The following EXOC6 variants were observed in gnomAD, a reference collection of about 807,000 sequenced individuals.
EXOC6 encodes exocyst complex component 6, also known as SEC15-like 1.
In EXOC6, 60 loss-of-function variants were observed where a neutral mutation model predicts 112.5. The ratio of observed to expected loss-of-function variants is 0.53; its 90% CI spans 0.43 to 0.66. EXOC6 has a LOEUF of 0.66. Ranked by LOEUF, EXOC6 falls within the 30% of genes least tolerant of loss-of-function variation. The probability of loss-of-function intolerance (pLI) is 0.00; values close to 1 mark genes in which losing one functional copy is unlikely to be tolerated. For synonymous variants in EXOC6, 295 were observed against 308.0 expected (o/e 0.96, Z 0.44); for missense variants, 855 against 957.1 (o/e 0.89, Z 1.41).
chr10:92,972,279 G>T (rs764871935), intron 17 of EXOC6, among the ~76,000 whole-genome samples: 4 of 152,180 alleles, frequency 2.6e-5, no homozygotes, highest in Non-Finnish European at 4.4e-5. Context: ...CCAGGCTCTT[G>T]ATACTGTCGT....
chr10:92,986,233 A>G (rs185557705), intron 18 of EXOC6, among the ~76,000 whole-genome samples: 11 of 152,302 alleles, frequency 7.2e-5, no homozygotes, highest in Admixed American at 7.2e-4. Context: ...TGTGGCCTTT[A>G]TATCTCCTAA....
intron 13 of EXOC6, among the ~76,000 whole-genome samples, chr10:92,943,179 C>T (rs371778628): frequency 2.0e-5 from 3 of 151,898 alleles, no homozygotes; most frequent in Non-Finnish European, 2.9e-5. Flanking sequence ...CCACCACGCC[C>T]GGCTAATTTT....
At chr10:92,936,668 C>T (rs770945760) in intron 12 of EXOC6, among the ~76,000 whole-genome samples, 6 of 152,092 alleles carry the variant, frequency 3.9e-5, no homozygotes, top group Non-Finnish European at 7.4e-5. Flanking sequence ...ATCCTCTCCC[C>T]TTCGGATATT....
chr10:93,026,392 T>C (rs1845025253), intron 20 of EXOC6, among the ~76,000 whole-genome samples: 4 of 152,232 alleles, frequency 2.6e-5, no homozygotes, highest in African/African-American at 9.6e-5. Context: ...TGTTATCACC[T>C]GGTATTGTCT....
At chr10:93,040,598 T>C (rs1265585365) in intron 20 of EXOC6, among the ~76,000 whole-genome samples, 1 of 152,220 alleles carries the variant, frequency 6.6e-6, no homozygotes, top group Non-Finnish European at 1.5e-5. Flanking sequence ...CCAATTTCTC[T>C]TCCCTCATTT....
intron 19 of EXOC6, among the ~76,000 whole-genome samples, chr10:93,011,319 C>T (rs553131926): frequency 1.3e-5 from 2 of 151,656 alleles, no homozygotes; most frequent in African/African-American, 2.4e-5. Context: ...TGCAGTGGTA[C>T]GATCATGGCT....
intron 18 of EXOC6, among the ~76,000 whole-genome samples, chr10:92,991,661 T>G (rs1052157717): frequency 2.0e-5 from 3 of 152,146 alleles, no homozygotes; most frequent in South Asian, 2.1e-4. Context: ...CCATGTATTA[T>G]GCAGTCCTGT....
chr10:92,896,037 A>G (rs200358751), intron 4 of EXOC6, among the ~76,000 whole-genome samples: 1 of 111,756 alleles, frequency 8.9e-6, no homozygotes, highest in Non-Finnish European at 1.8e-5. Flanking sequence ...ATATGTGTGT[A>G]TATATATGTG....
At chr10:92,950,272 T>C (rs1853324012) in intron 14 of EXOC6, among the ~76,000 whole-genome samples, 2 of 152,118 alleles carry the variant, frequency 1.3e-5, no homozygotes. Flanking sequence ...TATTAGAAAA[T>C]ATATAAAACT....
intron 20 of EXOC6, among the ~76,000 whole-genome samples, chr10:93,043,509 G>A (rs1313268833): frequency 6.6e-6 from 1 of 152,172 alleles, no homozygotes; most frequent in South Asian, 2.1e-4. Flanking sequence ...CACTGGGCCA[G>A]GCACTGTTTT....
intron 17 of EXOC6, among the ~76,000 whole-genome samples, chr10:92,960,274 A>G (rs1420280639): frequency 6.6e-6 from 1 of 152,216 alleles, no homozygotes; most frequent in African/African-American, 2.4e-5. Context: ...TACATATTGT[A>G]TGATTGCAAC....
chr10:92,975,757 C>G (rs1260826093), intron 18 of EXOC6, among the ~76,000 whole-genome samples: 2 of 133,074 alleles, frequency 1.5e-5, no homozygotes, highest in African/African-American at 2.8e-5. Context: ...GGCCAGCCCC[C>G]CGCCGGGCCA....
At chr10:93,009,916 C>G (rs1844163091) in intron 19 of EXOC6, among the ~76,000 whole-genome samples, 1 of 152,212 alleles carries the variant, frequency 6.6e-6, no homozygotes. Flanking sequence ...GCACAAGTCA[C>G]ATCTGTGTAA....
chr10:93,049,410 TG>T lies in EXOC6; in HGVS notation c.2170-7513del, dbSNP rs199792473. Among the ~76,000 whole-genome samples, 6 of 152,230 alleles carry T rather than the reference TG, an allele frequency of 3.9e-5. No homozygotes were observed. In the East Asian group the frequency reaches 9.7e-4, roughly 25 times the overall value. ...AAAAAGATAAATGTCCATCAACTGA[TG>T]ATTGGATAAACAAGGTGTAGTACAT... is the stretch of plus-strand genomic sequence containing the variant. On this transcript the variant is annotated intron_variant, in intron 20 of 21. Transcript: ENST00000260762.
At chr10:92,889,628 G>A (rs975990264) in intron 1 of EXOC6, among the ~76,000 whole-genome samples, 32 of 151,970 alleles carry the variant, frequency 2.1e-4, no homozygotes, top group African/African-American at 7.5e-4. Flanking sequence ...GTTTATTTCT[G>A]GTCTGTCTAT....
chr10:92,894,734 A>G (rs751426306), intron 2 of EXOC6, 60 bp from the exon 3 acceptor site: 2 of 1,285,880 alleles, frequency 1.6e-6, no homozygotes, highest in Non-Finnish European at 2.3e-6. Flanking sequence ...AAGGGTGAGC[A>G]GTTACATCAG....
At chr10:93,028,243 G>T (rs1845110496) in intron 20 of EXOC6, among the ~76,000 whole-genome samples, 2 of 152,090 alleles carry the variant, frequency 1.3e-5, no homozygotes, top group African/African-American at 4.8e-5. Context: ...ACTTCAGTGA[G>T]CCATGATCGT....
intron 19 of EXOC6, chr10:92,999,446 A>G (rs1843652307): frequency 3.3e-6 from 1 of 300,852 alleles, no homozygotes; most frequent in Non-Finnish European, 6.4e-6. Flanking sequence ...TTTCTTTAAA[A>G]GTTGTCTTAT....
chr10:93,043,411 GTTTTC>G (rs1845876062), intron 20 of EXOC6, among the ~76,000 whole-genome samples: 1 of 152,078 alleles, frequency 6.6e-6, no homozygotes, highest in Admixed American at 6.5e-5. Flanking sequence ...AATACTTCCA[GTTTTC>G]TTACCTGTTT....
Sources: allele counts gnomAD v4.1 joint callset (sites outside exome capture counted in the v4.1 genomes callset), GRCh38; gene constraint gnomAD v4.1.1; transcripts MANE v1.5; gene names NCBI Gene and HGNC (gene_info 2026-07-23, HGNC 2026-07-21).